SYNE2: variants seen among roughly 807,000 people sequenced by gnomAD.
SYNE2 encodes the protein spectrin repeat containing nuclear envelope protein 2.
Under a neutral mutation model 856.3 loss-of-function variants are expected in SYNE2, and 431 were observed. The ratio of observed to expected loss-of-function variants is 0.50; its 90% CI spans 0.47 to 0.55. SYNE2 has a LOEUF of 0.55. Ranked by LOEUF, SYNE2 falls within the 20% of genes least tolerant of loss-of-function variation. The pLI is 0.00. For missense variants in SYNE2, 8,129 were observed against 8,023.2 expected, an observed-to-expected ratio of 1.01 and a Z score of -0.50; for synonymous variants, 2,923 against 2,872.3, an observed-to-expected ratio of 1.02 and a Z score of -0.56.
chr14:64,081,982 A>G (rs2097527468), intron 57 of SYNE2, among the ~76,000 whole-genome samples: 1 of 151,970 alleles, frequency 6.6e-6, no homozygotes, highest in African/African-American at 2.4e-5. Flanking sequence ...GCTACTCGGG[A>G]GGCTGAGGCA....
chr14:63,896,976 G>T (rs370158592), intron 1 of SYNE2, among the ~76,000 whole-genome samples: 5 of 152,270 alleles, frequency 3.3e-5, no homozygotes, highest in Admixed American at 6.5e-5. Flanking sequence ...AAATGGCCTG[G>T]CGCAGTGGCT....
In SYNE2 at chr14:64,113,475, G is replaced by A. The variant is rs775971972; in HGVS notation, c.12744G>A (p.Leu4248=). ...CCTGCAAGACCCAGGTGGCCGAGCT[G>A]GAGCTGTGGCTGCAACAAGCCAACG... The part of the protein sequence containing the change: ...LHACKTQVAE[L]ELWLQQANVA... The change falls in exon 66 of 116, where the codon CTG becomes CTA. Residue 4248 remains leucine, a synonymous_variant. Transcript: ENST00000555002. 1 of 1,614,064 alleles carries A rather than the reference G, an allele frequency of 6.2e-7. No homozygotes were observed. The highest frequency in any genetic ancestry group is 8.5e-7 in the Non-Finnish European group (1 of 1,180,032).
chr14:64,132,704 T>A (rs1211474624), intron 77 of SYNE2, among the ~76,000 whole-genome samples: 1 of 152,222 alleles, frequency 6.6e-6, no homozygotes, highest in Non-Finnish European at 1.5e-5. Context: ...ATAAGCACTT[T>A]GAGACCTTGA....
intron 1 of SYNE2, among the ~76,000 whole-genome samples, chr14:63,840,272 A>G (rs1224829695): frequency 6.6e-6 from 1 of 151,040 alleles, no homozygotes; most frequent in Non-Finnish European, 1.5e-5. Context: ...CCCTGTCTCA[A>G]AAAAAAAAGT....
chr14:63,989,450 A>C (rs1594703826), intron 19 of SYNE2, among the ~76,000 whole-genome samples: 1 of 151,452 alleles, frequency 6.6e-6, no homozygotes, highest in South Asian at 2.1e-4. Context: ...AGATTCTTCT[A>C]CCTCAGCCTG....
intron 50 of SYNE2, 93 bp downstream of exon 50, chr14:64,062,988 G>A (rs1362492953): frequency 2.0e-5 from 29 of 1,444,156 alleles, no homozygotes; most frequent in African/African-American, 5.6e-5. Flanking sequence ...CTGTTAAGAC[G>A]CGTAGAAATC....
chr14:64,200,047 C>T (rs1163539800), intron 99 of SYNE2, among the ~76,000 whole-genome samples: 1 of 152,148 alleles, frequency 6.6e-6, no homozygotes, highest in Non-Finnish European at 1.5e-5. Context: ...TCACCACAGT[C>T]CTGTGGATCT....
intron 28 of SYNE2, among the ~76,000 whole-genome samples, chr14:64,001,040 G>A (rs2096750585): frequency 6.6e-6 from 1 of 152,088 alleles, no homozygotes; most frequent in Non-Finnish European, 1.5e-5. Context: ...AACTCTATGG[G>A]CATTGATCTC....
chr14:64,136,373 C>T (rs2098089247), intron 78 of SYNE2, among the ~76,000 whole-genome samples: 1 of 147,232 alleles, frequency 6.8e-6, no homozygotes, highest in African/African-American at 2.5e-5. Flanking sequence ...TAGCACTTCA[C>T]TTAGAAAATT....
chr14:64,013,586 C>T (rs2096865265), intron 32 of SYNE2, among the ~76,000 whole-genome samples: 1 of 152,144 alleles, frequency 6.6e-6, no homozygotes, highest in Admixed American at 6.5e-5. Context: ...CGGCATTTGA[C>T]TTTCTGAGTT....
intron 2 of SYNE2, among the ~76,000 whole-genome samples, chr14:63,910,146 G>A (rs12589453): frequency 0.052 from 7,966 of 152,288 alleles, 270 homozygotes; most frequent in Admixed American, 0.096. Context: ...GTGTTTTAAA[G>A]TAACTTTAAG....
chr14:64,007,029 C>T lies in SYNE2; in HGVS notation c.4398-14C>T, dbSNP rs2096801747. ...ACAGTTGGCTATCAAACTTTTTTCT[C>T]ATTCATAATCAAGGAAAAAATCATT... On this transcript the variant is annotated splice_polypyrimidine_tract_variant and intron_variant, in intron 30 of 115. Transcript: ENST00000555002. 6.2e-7 allele frequency: 1 copy of T among 1,606,134 alleles called. No individual in the cohort carries two copies. The highest frequency in any genetic ancestry group is 1.3e-5 in the African/African-American group (1 of 74,822).
chr14:64,209,917 C>T (rs777592426), intron 102 of SYNE2, 25 bp from the exon 103 acceptor site: 9 of 1,614,004 alleles, frequency 5.6e-6, no homozygotes, highest in Non-Finnish European at 7.6e-6. Context: ...CATGCTTTGG[C>T]TCTGACCCCT....
chr14:64,147,799 G>A (rs745564783), intron 84 of SYNE2, among the ~76,000 whole-genome samples: 1 of 152,172 alleles, frequency 6.6e-6, no homozygotes, highest in South Asian at 2.1e-4. Context: ...CCAACATTAG[G>A]CAACCAGAAT....
At chr14:64,041,445 C>A (rs544568478) in intron 45 of SYNE2, among the ~76,000 whole-genome samples, 2 of 151,968 alleles carry the variant, frequency 1.3e-5, no homozygotes, top group Non-Finnish European at 2.9e-5. Context: ...GATTAATATC[C>A]AGAATACAAA....
intron 62 of SYNE2, 184 bp downstream of exon 62, chr14:64,098,330 C>T (rs1032312915): frequency 1.4e-5 from 10 of 694,834 alleles, no homozygotes; most frequent in African/African-American, 1.2e-4. Context: ...TGTGCCTGTT[C>T]TGGACTCCAC....
At position 64,019,242 on chromosome 14, in the gene SYNE2, C is replaced by G. The variant is rs950136969; in HGVS notation, c.5050-750C>G. ...GAGCAGAGATTGCACCACTGTACTC[C>G]ATCCTGAACGACAAAGGGAGACTCC... is the stretch of plus-strand genomic sequence containing the variant. On this transcript the variant is annotated intron_variant, in intron 34 of 115. Coordinates refer to ENST00000555002, the MANE Select transcript of SYNE2 (RefSeq NM_182914.3). 1.1e-4 allele frequency among the ~76,000 whole-genome samples: 17 copies of G among 147,904 alleles called. No individual in the cohort carries two copies. The Admixed American group carries it at 1.2e-3, about 10-fold the overall frequency.
chr14:64,063,531 C>G (rs1343801384), intron 50 of SYNE2, among the ~76,000 whole-genome samples: 1 of 152,164 alleles, frequency 6.6e-6, no homozygotes, highest in African/African-American at 2.4e-5. Flanking sequence ...GTGACAGAGC[C>G]TTGTTGTCCA....
intron 42 of SYNE2, 87 bp downstream of exon 42, chr14:64,026,817 G>C: frequency 1.4e-6 from 2 of 1,475,304 alleles, no homozygotes; most frequent in Non-Finnish European, 1.9e-6. Context: ...CCTGGGTTTG[G>C]ATATAATATC....
Sources: gnomAD v4.1 joint callset for allele counts (sites outside exome capture counted in the v4.1 genomes callset) on GRCh38, gnomAD v4.1.1 for gene constraint, MANE v1.5 for transcripts, NCBI Gene and HGNC (gene_info 2026-07-23, HGNC 2026-07-21) for gene names.